The following HEATR5A variants were observed in gnomAD, a reference collection of about 807,000 sequenced individuals.
HEATR5A encodes HEAT repeat containing 5A.
In HEATR5A, 178 loss-of-function variants were observed where a neutral mutation model predicts 218.8. The observed-to-expected ratio is 0.81, with a 90% CI of 0.72 to 0.92. HEATR5A has a LOEUF of 0.92. Ranked by LOEUF, HEATR5A falls within the 40% of genes least tolerant of loss-of-function variation. HEATR5A has a pLI of 0.00. For missense variants in HEATR5A, 2,420 were observed against 2,418.9 expected (o/e 1.00, Z -0.01); for synonymous variants, 864 against 871.6 (o/e 0.99, Z 0.15).
At chr14:31,380,644 C>A in intron 10 of HEATR5A, 66 bp from the exon 11 acceptor site, 2 of 937,398 alleles carry the variant, frequency 2.1e-6, no homozygotes, top group Non-Finnish European at 3.3e-6. Flanking sequence ...ATGATAGCAG[C>A]TAACAATATC....
chr14:31,419,770 A>G (rs1049347688), intron 1 of HEATR5A, among the ~76,000 whole-genome samples: 4 of 152,268 alleles, frequency 2.6e-5, no homozygotes, highest in African/African-American at 9.6e-5. Flanking sequence ...AAGTTTCTAA[A>G]GACTTTATAA....
intron 1 of HEATR5A, among the ~76,000 whole-genome samples, chr14:31,405,338 G>T (rs531765325): frequency 2.0e-5 from 3 of 152,250 alleles, no homozygotes; most frequent in African/African-American, 7.2e-5. Flanking sequence ...GGAGGTTGAG[G>T]CAGGAGTATC....
chr14:31,372,231 G>C (rs1169190501), intron 12 of HEATR5A, among the ~76,000 whole-genome samples: 1 of 148,476 alleles, frequency 6.7e-6, no homozygotes, highest in Non-Finnish European at 1.5e-5. Context: ...AGACTCTCAA[G>C]TTTGCCAGCT....
intron 6 of HEATR5A, among the ~76,000 whole-genome samples, chr14:31,391,297 C>T (rs2030444391): frequency 6.6e-6 from 1 of 152,074 alleles, no homozygotes; most frequent in Non-Finnish European, 1.5e-5. Context: ...CCACCACGTC[C>T]CGCTAATTTT....
chr14:31,310,702 T>C (rs1258004209), intron 28 of HEATR5A, among the ~76,000 whole-genome samples: 1 of 152,172 alleles, frequency 6.6e-6, no homozygotes, highest in South Asian at 2.1e-4. Flanking sequence ...AACATTATGT[T>C]TTTAAGATTT....
At chr14:31,369,623 A>AC (rs1901948251) in intron 13 of HEATR5A, among the ~76,000 whole-genome samples, 1 of 147,738 alleles carries the variant, frequency 6.8e-6, no homozygotes, top group Non-Finnish European at 1.5e-5. Context: ...AAAAAAAAAA[A>AC]AAAAAAAAAA....
At chr14:31,393,301 G>A (rs2030524230) in intron 6 of HEATR5A, among the ~76,000 whole-genome samples, 1 of 152,198 alleles carries the variant, frequency 6.6e-6, no homozygotes, top group Non-Finnish European at 1.5e-5. Context: ...CCTGAGCTCA[G>A]GAGTTCGAGA....
intron 1 of HEATR5A, among the ~76,000 whole-genome samples, chr14:31,413,783 G>A (rs1032980905): frequency 2.6e-5 from 4 of 152,172 alleles, no homozygotes; most frequent in African/African-American, 9.6e-5. Flanking sequence ...TGCTACTTAA[G>A]TGGAAGAAGA....
Position 31,294,064 on chromosome 14 carries a change from T to G in HEATR5A, c.5660A>C (p.Gln1887Pro), listed in dbSNP as rs1046582970. 1.2e-6 allele frequency: 2 copies of G among 1,601,210 alleles called. No homozygotes were observed. The highest frequency in any genetic ancestry group is 2.7e-5 in the African/African-American group (2 of 74,816). The change falls in exon 35 of 36, where the codon CAG becomes CCG. Residue 1887 changes from glutamine (Q) to proline (P), a missense_variant. Physicochemically the swap from Gln to Pro is moderately conservative, Grantham distance 76 (BLOSUM62 -1). Coordinates refer to ENST00000543095, the MANE Select transcript of HEATR5A (RefSeq NM_015473.4). The stretch of plus-strand genomic sequence containing the variant: ...GTAGGAAACAGCTGGATTTGGATAC[T>G]GAAAGATGGAATGTAGGAGCTGGTA... Reference protein sequence around the residue: ...KTYQLLHSIFQYPNPAVSYPY... With the variant: ...KTYQLLHSIFPYPNPAVSYPY...
intron 1 of HEATR5A, among the ~76,000 whole-genome samples, chr14:31,418,141 G>C (rs1289548235): frequency 1.3e-5 from 2 of 151,988 alleles, no homozygotes; most frequent in Non-Finnish European, 2.9e-5. Context: ...CGGGGAGGTA[G>C]AGCTTGCAAG....
rs186639480 is a variant in HEATR5A, at chr14:31,313,129, C to T, written c.4280G>A (p.Cys1427Tyr). The change falls in exon 28 of 36, where the codon TGT (cysteine) becomes TAT (tyrosine). Residue 1427 changes from cysteine (C) to tyrosine (Y), a missense_variant. By Grantham distance (194) the Cys-to-Tyr change is radical. Coordinates refer to ENST00000543095, the MANE Select transcript of HEATR5A (RefSeq NM_015473.4). The stretch of plus-strand genomic sequence containing the variant: ...TCCATTTCTGATACCGTCTTCTAAA[C>T]AGGTGGTAGTCTTCAAAGGTTGTCT... Reference protein sequence around the residue: ...NHRQPLKTTTCLEDGIRNGSC... With the variant: ...NHRQPLKTTTYLEDGIRNGSC... The T allele has an allele frequency of 3.6e-4, 583 of 1,613,886 alleles. 4 individuals are homozygous for T. The highest frequency in any genetic ancestry group is 2.6e-3 in the African/African-American group (193 of 75,034).
rs1249240883 is a variant in HEATR5A at position 31,302,584 on chromosome 14, A to G, written c.5240-65T>C. 4 of 1,055,648 alleles carry G rather than the reference A, an allele frequency of 3.8e-6. No individual in the cohort carries two copies. In the East Asian group the frequency reaches 1.0e-4, roughly 27 times the overall value. 65.4% of individuals were successfully genotyped at this position (1,055,648 alleles called of 1,614,324 possible). ...CTATATATATGGTTTCTAAAAAGAA[A>G]TCATCAAGGAGTAAGACAATGTCAG... On this transcript the variant is annotated intron_variant, in intron 32 of 35. Coordinates refer to ENST00000543095, the MANE Select transcript of HEATR5A (RefSeq NM_015473.4).
At chr14:31,365,318 A>T (rs1229512221) in intron 13 of HEATR5A, among the ~76,000 whole-genome samples, 1 of 152,148 alleles carries the variant, frequency 6.6e-6, no homozygotes, top group Non-Finnish European at 1.5e-5. Context: ...TGGTTCTCTA[A>T]GAAATTCTGG....
At position 31,386,432 on chromosome 14, in the gene HEATR5A, C is replaced by A; in HGVS notation, c.1333G>T (p.Asp445Tyr). 8 of 1,613,546 alleles carry A rather than the reference C, an allele frequency of 5.0e-6. No homozygotes were observed. Among genetic ancestry groups the A allele is most frequent in the Non-Finnish European group, 6.8e-6 (8 of 1,179,672 alleles). ...LGTTAAPLLQDSSTGLLDSIL... is the reference protein window; with the variant it reads ...LGTTAAPLLQYSSTGLLDSIL... ...CAAACAGATATACCTGTACTTGAAT[C>A]CTGTAGCAAAGGTGCCGCTGTGGTG... is the stretch of plus-strand genomic sequence containing the variant. The change falls in exon 9 of 36, where the codon GAT becomes TAT. Residue 445 changes from aspartate (D) to tyrosine (Y), a missense_variant. Asp to Tyr is a radical substitution (Grantham distance 160, BLOSUM62 -3). Transcript: ENST00000543095.
chr14:31,394,172 T>C lies in HEATR5A; in HGVS notation c.652A>G (p.Ser218Gly). The C allele has an allele frequency of 6.5e-7, 1 of 1,533,952 alleles. No individual in the cohort carries two copies. Among genetic ancestry groups the C allele is most frequent in the South Asian group, 1.2e-5 (1 of 83,644 alleles). The change falls in exon 6 of 36, where the codon AGT (serine) becomes GGT (glycine). Residue 218 changes from serine (S) to glycine (G), a missense_variant. By Grantham distance (56) the Ser-to-Gly change is moderately conservative (BLOSUM62 0). Transcript: ENST00000543095. ...GACTTAAAACACAGTGTGGCCACAC[T>C]GTCCAGGTCCGTACTCCACATAAAG... is the stretch of plus-strand genomic sequence containing the variant. ...AIFMWSTDLD[S>G]VATLCFKSFE... is the part of the protein sequence containing the mutation.
chr14:31,366,471 T>C (rs1006263504), intron 13 of HEATR5A, among the ~76,000 whole-genome samples: 2 of 152,166 alleles, frequency 1.3e-5, no homozygotes, highest in Non-Finnish European at 2.9e-5. Flanking sequence ...ATTTTAACTA[T>C]AATAAAATTT....
At chr14:31,336,246 A>ATATATATG (rs1900662373) in intron 22 of HEATR5A, among the ~76,000 whole-genome samples, 1 of 94,956 alleles carries the variant, frequency 1.1e-5, no homozygotes, top group East Asian at 3.5e-4. Flanking sequence ...ATATATATAT[A>ATATATATG]TATATATATA....
intron 5 of HEATR5A, among the ~76,000 whole-genome samples, chr14:31,394,984 G>A (rs1163387903): frequency 6.6e-6 from 1 of 152,052 alleles, no homozygotes. Context: ...TTAAGATTCT[G>A]GAAACCTGAA....
intron 13 of HEATR5A, among the ~76,000 whole-genome samples, chr14:31,366,731 T>C (rs1239095553): frequency 6.6e-6 from 1 of 152,052 alleles, no homozygotes; most frequent in African/African-American, 2.4e-5. Flanking sequence ...CCTATGCCAA[T>C]AAAAGCAAGC....
Sources: gnomAD v4.1 joint callset for allele counts (sites outside exome capture counted in the v4.1 genomes callset) on GRCh38, gnomAD v4.1.1 for gene constraint, MANE v1.5 for transcripts, NCBI Gene and HGNC (gene_info 2026-07-23, HGNC 2026-07-21) for gene names.